The following ATP2C1 variants were observed in gnomAD, a reference collection of about 807,000 sequenced individuals.
ATP2C1 encodes the protein ATPase secretory pathway Ca2+ transporting 1.
A neutral mutation model predicts 120.5 loss-of-function variants in ATP2C1; 31 were observed. The ratio of observed to expected loss-of-function variants is 0.26; its 90% CI spans 0.19 to 0.35. The LOEUF (loss-of-function observed/expected upper bound fraction) is 0.35. ATP2C1 is among the 10% of genes least tolerant of loss of function. ATP2C1 has a pLI of 1.00. For missense variants in ATP2C1, 731 were observed against 1,107.5 expected, an observed-to-expected ratio of 0.66 and a Z score of 4.83; for synonymous variants, 351 against 358.7, an observed-to-expected ratio of 0.98 and a Z score of 0.24.
chr3:130,877,959 T>C (rs1458423355), intron 1 of ATP2C1, among the ~76,000 whole-genome samples: 2 of 151,848 alleles, frequency 1.3e-5, no homozygotes, highest in Non-Finnish European at 2.9e-5. Flanking sequence ...TATGTAGCCA[T>C]AAAAAAGGAT....
At chr3:130,900,401 T>C (rs1299487664) in intron 2 of ATP2C1, among the ~76,000 whole-genome samples, 1 of 152,152 alleles carries the variant, frequency 6.6e-6, no homozygotes, top group Non-Finnish European at 1.5e-5. Context: ...AGCTTTGAGA[T>C]ATTGATGCAT....
intron 2 of ATP2C1, among the ~76,000 whole-genome samples, chr3:130,924,539 A>G (rs2059116804): frequency 6.6e-6 from 1 of 152,120 alleles, no homozygotes; most frequent in South Asian, 2.1e-4. Context: ...GGTAATGATG[A>G]CTATGTGCCT....
intron 5 of ATP2C1, among the ~76,000 whole-genome samples, chr3:130,937,020 T>G (rs922375242): frequency 1.9e-5 from 1 of 51,564 alleles, no homozygotes; most frequent in Non-Finnish European, 9.4e-5. Flanking sequence ...TTCTCACAAT[T>G]TTTTTGGAAA....
At chr3:130,970,384 A>ACACACACG (rs2061247166) in intron 17 of ATP2C1, among the ~76,000 whole-genome samples, 1 of 143,014 alleles carries the variant, frequency 7.0e-6, no homozygotes, top group Admixed American at 6.7e-5. Flanking sequence ...ACACACACAC[A>ACACACACG]CACACACACA....
rs529050716 is a variant in ATP2C1, at chr3:131,014,371, G to A, written c.2630-1781G>A. 12 of 1,601,136 alleles carry A rather than the reference G, an allele frequency of 7.5e-6. No homozygotes were observed. The South Asian group carries it at 1.2e-4, about 17-fold the overall frequency. ...AGTTGCTGGCATAGTCCGTGCACCA[G>A]GCTTCCACTGTACAGTCTGTTCAAA... On this transcript the variant is annotated intron_variant, in intron 26 of 26. Transcript: ENST00000328560.
At chr3:130,964,526 A>C (rs2060968842) in intron 13 of ATP2C1, among the ~76,000 whole-genome samples, 1 of 152,102 alleles carries the variant, frequency 6.6e-6, no homozygotes, top group Non-Finnish European at 1.5e-5. Flanking sequence ...TGAAACTCCA[A>C]AAATGTACTG....
chr3:130,967,384 C>G lies in ATP2C1; in HGVS notation c.1273C>G (p.Pro425Ala). ...VIRNNTLMGK[P>A]TEGALIALAM... The stretch of plus-strand genomic sequence containing the variant: ...TAGAAACAATACTCTAATGGGGAAG[C>G]CAACAGAAGGGGCCTTAATTGCTCT... The change falls in exon 16 of 28, where the codon CCA becomes GCA. Residue 425 changes from proline (P) to alanine (A), a missense_variant. This residue lies in a region of ATP2C1 where 571 missense variants were observed against 845.9 expected (regional missense o/e 0.67). Coordinates refer to ENST00000510168, the MANE Select transcript of ATP2C1 (RefSeq NM_001378687.1). 6.2e-7 allele frequency: 1 copy of G among 1,613,602 alleles called. No homozygotes were observed. The highest frequency in any genetic ancestry group is 8.5e-7 in the Non-Finnish European group (1 of 1,179,722).
intron 26 of ATP2C1, chr3:131,014,201 C>A (rs1431073394): frequency 6.2e-7 from 1 of 1,612,990 alleles, no homozygotes; most frequent in Non-Finnish European, 8.5e-7. Context: ...GTTTCTTCTG[C>A]CTTTTTTTTT....
At chr3:130,964,251 A>T (rs923965083) in intron 13 of ATP2C1, among the ~76,000 whole-genome samples, 156 bp downstream of exon 13, 3 of 152,134 alleles carry the variant, frequency 2.0e-5, no homozygotes, top group African/African-American at 7.2e-5. Flanking sequence ...AAAAAAGGCA[A>T]TTAAAAATTC....
chr3:130,921,603 CT>C (rs2058970220), intron 2 of ATP2C1, among the ~76,000 whole-genome samples: 2 of 151,984 alleles, frequency 1.3e-5, no homozygotes, highest in Admixed American at 1.3e-4. Flanking sequence ...CATATACAGT[CT>C]TTATTATGTT....
intron 2 of ATP2C1, among the ~76,000 whole-genome samples, chr3:130,912,802 A>G (rs898108902): frequency 7.2e-5 from 11 of 151,900 alleles, no homozygotes; most frequent in African/African-American, 2.2e-4. Context: ...ACACATGCAC[A>G]TGTATGTTTA....
intron 1 of ATP2C1, among the ~76,000 whole-genome samples, chr3:130,866,625 G>A (rs1315130185): frequency 6.6e-6 from 1 of 152,132 alleles, no homozygotes; most frequent in African/African-American, 2.4e-5. Context: ...TCAAACTGTG[G>A]TTTTGCCAAT....
chr3:130,874,541 TC>T (rs1473346842), intron 1 of ATP2C1, among the ~76,000 whole-genome samples: 1 of 152,254 alleles, frequency 6.6e-6, no homozygotes, highest in African/African-American at 2.4e-5. Context: ...CTAAATTTTT[TC>T]CTCTCATTTA....
Position 130,931,669 on chromosome 3 carries a change from T to C in ATP2C1, c.118-353T>C, listed in dbSNP as rs146919560. 5.1e-3 allele frequency among the ~76,000 whole-genome samples: 771 copies of C among 152,288 alleles called. 2 individuals are homozygous for C. The highest frequency in any genetic ancestry group is 8.1e-3 in the Non-Finnish European group (553 of 67,972). On this transcript the variant is annotated intron_variant, in intron 3 of 27. Transcript: ENST00000510168. Reference sequence around the variant, plus strand: ...TGTTTGTTTGGTAAACTCTGCCTTTTTGTTTACATTTTTTTTAAAAAATCA... The same window carrying C: ...TGTTTGTTTGGTAAACTCTGCCTTTCTGTTTACATTTTTTTTAAAAAATCA...
chr3:130,905,749 A>G (rs2058091427), intron 2 of ATP2C1, among the ~76,000 whole-genome samples: 1 of 152,086 alleles, frequency 6.6e-6, no homozygotes, highest in Non-Finnish European at 1.5e-5. Context: ...ATGTGTTCTT[A>G]AAAGGACTGG....
intron 22 of ATP2C1, among the ~76,000 whole-genome samples, chr3:130,994,985 G>A (rs553106360): frequency 9.2e-5 from 14 of 152,332 alleles, no homozygotes; most frequent in East Asian, 5.8e-4. Context: ...TCTACTTGAT[G>A]TGCAGGAGCA....
intron 8 of ATP2C1, among the ~76,000 whole-genome samples, chr3:130,947,422 C>T (rs2060199184): frequency 6.6e-6 from 1 of 152,168 alleles, no homozygotes; most frequent in Admixed American, 6.6e-5. Flanking sequence ...ACCCTTACCT[C>T]TTAGCATTCA....
At chr3:130,853,720 A>G (rs1451187777) in intron 1 of ATP2C1, among the ~76,000 whole-genome samples, 1 of 152,098 alleles carries the variant, frequency 6.6e-6, no homozygotes, top group Non-Finnish European at 1.5e-5. Flanking sequence ...CCCTTACTAC[A>G]TTCTATGTAG....
chr3:130,875,086 G>A (rs1341219539), intron 1 of ATP2C1, among the ~76,000 whole-genome samples: 1 of 152,138 alleles, frequency 6.6e-6, no homozygotes, highest in African/African-American at 2.4e-5. Context: ...AGGGCAATTA[G>A]CATATCCCTC....
Sources: gnomAD v4.1 joint callset for allele counts (sites outside exome capture counted in the v4.1 genomes callset) on GRCh38, gnomAD v4.1.1 for gene constraint, gnomAD v4.1.1 regional missense constraint, MANE v1.5 for transcripts, NCBI Gene and HGNC (gene_info 2026-07-23, HGNC 2026-07-21) for gene names.